UBXN2B: variants seen among roughly 807,000 people sequenced by gnomAD.
UBXN2B encodes the protein UBX domain-containing protein 2B.
A neutral mutation model predicts 37.5 loss-of-function variants in UBXN2B; 19 were observed. That is an observed-to-expected ratio of 0.51 (90% CI 0.35 to 0.74). The LOEUF is 0.74. Ranked by LOEUF, UBXN2B falls within the 30% of genes least tolerant of loss-of-function variation. The pLI is 0.01. For missense variants in UBXN2B, 370 were observed against 393.2 expected (o/e 0.94, Z 0.50); for synonymous variants, 145 against 143.8 (o/e 1.01, Z -0.06).
chr8:58,423,637 G>A (rs1486153467), intron 2 of UBXN2B, among the ~76,000 whole-genome samples: 14 of 151,564 alleles, frequency 9.2e-5, no homozygotes, highest in African/African-American at 1.7e-4. Flanking sequence ...GGGTTTCACC[G>A]TGTTAACCAG....
chr8:58,440,173 G>A (rs903439116), intron 6 of UBXN2B, among the ~76,000 whole-genome samples: 5 of 152,200 alleles, frequency 3.3e-5, no homozygotes, highest in African/African-American at 7.2e-5. Context: ...TGACTACAGA[G>A]TTTGTGCTTT....
Position 58,445,966 on chromosome 8 carries a change from T to C in UBXN2B, c.731T>C (p.Leu244Pro). The change falls in exon 7 of 8, where the codon CTT (leucine) becomes CCT (proline). Residue 244 changes from leucine to proline, a missense_variant. Physicochemically the swap from Leu to Pro is moderately conservative, Grantham distance 98. This residue lies in a region of UBXN2B where 90 missense variants were observed against 139.4 expected (regional missense o/e 0.65). Coordinates refer to ENST00000399598, the MANE Select transcript of UBXN2B (RefSeq NM_001077619.2). ...CCAGAAGAGGAGGATAAATCAATAC[T>C]TAATGCAGTTGTTCTTATTGATGAT... ...SSPEEEDKSI[L>P]NAVVLIDDSV... 1.2e-6 allele frequency: 2 copies of C among 1,613,222 alleles called. No individual in the cohort carries two copies. The highest frequency in any genetic ancestry group is 1.7e-6 in the Non-Finnish European group (2 of 1,179,688).
At chr8:58,425,880 C>T (rs375545929) in intron 2 of UBXN2B, 10 of 1,162,142 alleles carry the variant, frequency 8.6e-6, no homozygotes, top group South Asian at 1.2e-5. Context: ...TTAGACTTGC[C>T]GTTATTGTTC....
chr8:58,436,040 A>G (rs963547252), intron 5 of UBXN2B, among the ~76,000 whole-genome samples: 1 of 152,264 alleles, frequency 6.6e-6, no homozygotes, highest in African/African-American at 2.4e-5. Flanking sequence ...ATAAAATGAT[A>G]CATGTTTTAG....
intron 2 of UBXN2B, among the ~76,000 whole-genome samples, chr8:58,421,883 A>C (rs578143669): frequency 5.3e-5 from 8 of 152,354 alleles, no homozygotes; most frequent in Admixed American, 2.0e-4. Flanking sequence ...TGAAATCAAT[A>C]TAACAAACAA....
intron 2 of UBXN2B, chr8:58,426,779 C>A: frequency 3.2e-6 from 2 of 618,310 alleles, no homozygotes; most frequent in South Asian, 2.9e-5. Context: ...GAGGCCCGCT[C>A]GGGACCAGAT....
chr8:58,425,191 T>G (rs1808047869), intron 2 of UBXN2B: 3 of 919,104 alleles, frequency 3.3e-6, no homozygotes, highest in Admixed American at 3.4e-5. Flanking sequence ...CATATAGTTG[T>G]GAGCGGTGCT....
chr8:58,440,327 C>G (rs1040225943), intron 6 of UBXN2B, among the ~76,000 whole-genome samples: 2 of 152,230 alleles, frequency 1.3e-5, no homozygotes, highest in African/African-American at 4.8e-5. Context: ...CAAACTCTTG[C>G]AGCAGGAGCA....
chr8:58,441,060 A>C (rs1026553651), intron 6 of UBXN2B, among the ~76,000 whole-genome samples: 4 of 150,060 alleles, frequency 2.7e-5, no homozygotes, highest in Non-Finnish European at 5.9e-5. Context: ...TGGTGTAGTC[A>C]TAGTTCACTG....
rs200027201 is a variant in UBXN2B, at chr8:58,416,886, T to G, written c.121T>G (p.Cys41Gly). The part of the protein sequence containing the change: ...LAELYEDEVK[C>G]KSSKSNRPKA... The stretch of plus-strand genomic sequence containing the variant: ...AGAATTGTATGAAGATGAAGTGAAG[T>G]GCAAATCTTCCAAGTCTAATAGACC... The change falls in exon 2 of 8, where the codon TGC (cysteine) becomes GGC (glycine). Residue 41 changes from cysteine to glycine, a missense_variant. By Grantham distance (159) the Cys-to-Gly change is radical. Coordinates refer to ENST00000399598, the MANE Select transcript of UBXN2B (RefSeq NM_001077619.2). The G allele has an allele frequency of 1.2e-6, 2 of 1,612,816 alleles. No individual in the cohort carries two copies. Among genetic ancestry groups the G allele is most frequent in the South Asian group, 1.1e-5 (1 of 91,014 alleles).
At chr8:58,423,758 C>A (rs1203420095) in intron 2 of UBXN2B, among the ~76,000 whole-genome samples, 10 of 150,964 alleles carry the variant, frequency 6.6e-5, no homozygotes, top group African/African-American at 2.4e-4. Context: ...TTTTTTTAAG[C>A]CACTAAAGTT....
In UBXN2B at chr8:58,449,356, T is replaced by C. The variant is rs1161803600; in HGVS notation, c.*1805T>C. 7.3e-6 allele frequency: 1 copy of C among 136,336 alleles called. No individual in the cohort carries two copies. Among genetic ancestry groups the C allele is most frequent in the Non-Finnish European group, 1.6e-5 (1 of 63,966 alleles). The allele number at this position is 136,336 out of a possible 1,614,324, so 8.4% of individuals were successfully genotyped here. A position where few individuals can be genotyped will look rare whatever the true frequency, so the allele number is the denominator to read the frequency against. ...AAGATTCAGATTCATCACAAATAAATTTACATCACTCATAGGTGCTCAAAA... is the reference window on the plus strand; with the variant it reads ...AAGATTCAGATTCATCACAAATAAACTTACATCACTCATAGGTGCTCAAAA... On this transcript the variant is annotated 3_prime_UTR_variant, in exon 8 of 8. Coordinates refer to ENST00000399598, the MANE Select transcript of UBXN2B (RefSeq NM_001077619.2).
intron 6 of UBXN2B, among the ~76,000 whole-genome samples, chr8:58,441,685 T>C (rs1423831987): frequency 2.6e-5 from 4 of 152,084 alleles, no homozygotes; most frequent in African/African-American, 9.7e-5. Flanking sequence ...AATAACGATA[T>C]TATCTGATGA....
At chr8:58,418,418 CT>C (rs1270528524) in intron 2 of UBXN2B, among the ~76,000 whole-genome samples, 1 of 152,014 alleles carries the variant, frequency 6.6e-6, no homozygotes, top group Non-Finnish European at 1.5e-5. Flanking sequence ...CTCTTCCCAC[CT>C]TTTTATTGTT....
intron 2 of UBXN2B, chr8:58,424,928 T>G: frequency 1.2e-6 from 1 of 834,228 alleles, no homozygotes. Flanking sequence ...TCAACACCTT[T>G]CTCTCTGTTG....
intron 2 of UBXN2B, chr8:58,424,697 G>T (rs562665468): frequency 6.6e-5 from 87 of 1,324,788 alleles, no homozygotes; most frequent in South Asian, 5.4e-4. Flanking sequence ...CGGGGGGGGG[G>T]GCTCTGATCT....
intron 5 of UBXN2B, among the ~76,000 whole-genome samples, chr8:58,435,864 G>T (rs747444065): frequency 6.6e-6 from 1 of 152,152 alleles, no homozygotes; most frequent in Non-Finnish European, 1.5e-5. Context: ...GTGGTTCTCA[G>T]CTATGTAAGA....
intron 3 of UBXN2B, among the ~76,000 whole-genome samples, chr8:58,431,614 G>A (rs1057305711): frequency 3.9e-5 from 6 of 152,182 alleles, no homozygotes; most frequent in Non-Finnish European, 8.8e-5. Context: ...CATACATTAA[G>A]TGTATGTTTA....
intron 7 of UBXN2B, 46 bp from the exon 8 acceptor site, chr8:58,447,343 A>G: frequency 6.7e-7 from 1 of 1,484,910 alleles, no homozygotes; most frequent in South Asian, 1.4e-5. Flanking sequence ...TTTACATGAA[A>G]ATATGATTTT....
Sources: allele counts gnomAD v4.1 joint callset (sites outside exome capture counted in the v4.1 genomes callset), GRCh38; gene constraint gnomAD v4.1.1; regional missense constraint gnomAD v4.1.1; transcripts MANE v1.5; gene names NCBI Gene and HGNC (gene_info 2026-07-23, HGNC 2026-07-21).